Variants in LINGO2 observed in about 807,000 individuals in gnomAD.
LINGO2 encodes the protein leucine rich repeat and Ig domain containing 2.
Under a neutral mutation model 30.6 loss-of-function variants are expected in LINGO2, and 14 were observed. The observed-to-expected ratio is 0.46, with a 90% CI of 0.30 to 0.72. The LOEUF is 0.72. Ranked by LOEUF, LINGO2 falls within the 30% of genes least tolerant of loss-of-function variation. The pLI is 0.07. For synonymous variants in LINGO2, 317 were observed against 288.5 expected (o/e 1.10, Z -1.00); for missense variants, 729 against 751.7 (o/e 0.97, Z 0.35).
At chr9:28,570,474 TA>T (rs965794754) in intron 1 of LINGO2, among the ~76,000 whole-genome samples, 34 of 152,030 alleles carry the variant, frequency 2.2e-4, no homozygotes, top group African/African-American at 7.7e-4. Context: ...GTCTATGCGA[TA>T]AAAAAATTTT....
At chr9:28,013,242 T>C (rs543504088) in intron 4 of LINGO2, among the ~76,000 whole-genome samples, 1 of 152,198 alleles carries the variant, frequency 6.6e-6, no homozygotes, top group Non-Finnish European at 1.5e-5. Flanking sequence ...TATTTCTTTT[T>C]CTTCTCCTTT....
At chr9:28,759,575 G>A in the LINGO2 span, among the ~76,000 whole-genome samples, 2 of 151,866 alleles carry the variant, frequency 1.3e-5, no homozygotes, top group South Asian at 2.1e-4. Context: ...CCAGCTACTC[G>A]GGAGGCTGAG....
intron 1 of LINGO2, among the ~76,000 whole-genome samples, chr9:28,516,469 G>A (rs10732351): frequency 0.98 from 148,642 of 152,324 alleles, 72,630 homozygotes; most frequent in Middle Eastern, 1. Context: ...TTGGTTTTAG[G>A]GACACAGGTC....
chr9:29,103,215 A>C, the LINGO2 span, among the ~76,000 whole-genome samples: 1 of 152,084 alleles, frequency 6.6e-6, no homozygotes, highest in Non-Finnish European at 1.5e-5. Flanking sequence ...GCATCACAGA[A>C]TTAGCTTATA....
chr9:28,042,350 T>C (rs1431703511), intron 4 of LINGO2, among the ~76,000 whole-genome samples: 1 of 152,152 alleles, frequency 6.6e-6, no homozygotes, highest in Middle Eastern at 3.2e-3. Context: ...CAGCTCCATA[T>C]TAATTGTCAA....
intron 1 of LINGO2, among the ~76,000 whole-genome samples, chr9:28,659,621 G>A (rs966972582): frequency 6.6e-6 from 1 of 151,770 alleles, no homozygotes; most frequent in Non-Finnish European, 1.5e-5. Flanking sequence ...CAATTTTTTT[G>A]TATTTTTTGT....
At chr9:28,512,589 G>A (rs977588592) in intron 1 of LINGO2, among the ~76,000 whole-genome samples, 783 of 2,724 alleles carry the variant, frequency 0.29, 61 homozygotes, top group Middle Eastern at 0.5. Flanking sequence ...GGATATATAT[G>A]TGTGTATATA....
chr9:28,040,181 A>C (rs187427077), intron 4 of LINGO2, among the ~76,000 whole-genome samples: 2 of 152,302 alleles, frequency 1.3e-5, no homozygotes, highest in Admixed American at 1.3e-4. Context: ...TGCTATTAGC[A>C]AAACAGATTG....
At chr9:28,483,900 T>C (rs542648362) in intron 1 of LINGO2, among the ~76,000 whole-genome samples, 2 of 152,124 alleles carry the variant, frequency 1.3e-5, no homozygotes, top group South Asian at 4.2e-4. Flanking sequence ...TTCCTTCATG[T>C]AGATCAATGA....
chr9:28,436,136 T>C (rs552794931), intron 2 of LINGO2, among the ~76,000 whole-genome samples: 18 of 152,310 alleles, frequency 1.2e-4, no homozygotes, highest in African/African-American at 2.6e-4. Flanking sequence ...AAATTATCCA[T>C]AGCAACAACC....
chr9:28,959,612 T>TCTCTCACACACACACACACACACA, the LINGO2 span, among the ~76,000 whole-genome samples: 4 of 132,160 alleles, frequency 3.0e-5, no homozygotes, highest in African/African-American at 1.3e-4. Context: ...TCTCTCTCCC[T>TCTCTCACACACACACACACACACA]CACACACACA....
chr9:28,162,532 C>T (rs1045751001), intron 4 of LINGO2, among the ~76,000 whole-genome samples: 2 of 152,226 alleles, frequency 1.3e-5, no homozygotes, highest in Non-Finnish European at 1.5e-5. Context: ...GAATAAGTCT[C>T]TCCAATGAAG....
intron 3 of LINGO2, among the ~76,000 whole-genome samples, chr9:28,313,174 TTATA>T (rs1229687945): frequency 2.6e-5 from 4 of 152,200 alleles, no homozygotes; most frequent in Non-Finnish European, 5.9e-5. Context: ...TTGAGAGAAG[TTATA>T]TCATTGGCTA....
At chr9:28,793,507 A>G in the LINGO2 span, among the ~76,000 whole-genome samples, 1 of 152,134 alleles carries the variant, frequency 6.6e-6, no homozygotes, top group Non-Finnish European at 1.5e-5. Context: ...CCTAAATTTT[A>G]CCCTGATATA....
At chr9:28,710,040 G>A in the LINGO2 span, among the ~76,000 whole-genome samples, 111 of 150,614 alleles carry the variant, frequency 7.4e-4, no homozygotes, top group African/African-American at 2.0e-3. Flanking sequence ...TATACATCTC[G>A]GATGCCATGG....
chr9:27,993,064 G>A (rs977587765), intron 5 of LINGO2, among the ~76,000 whole-genome samples: 9 of 152,060 alleles, frequency 5.9e-5, no homozygotes, highest in African/African-American at 1.9e-4. Flanking sequence ...ATCACTTGAC[G>A]ATGGTTAATG....
intron 4 of LINGO2, among the ~76,000 whole-genome samples, chr9:28,207,598 C>A (rs1307362273): frequency 6.6e-6 from 1 of 152,104 alleles, no homozygotes; most frequent in East Asian, 1.9e-4. Flanking sequence ...ATGTTCCCCT[C>A]CATTCTAAAT....
chr9:28,753,280 TC>T, the LINGO2 span, among the ~76,000 whole-genome samples: 1 of 152,032 alleles, frequency 6.6e-6, no homozygotes, highest in African/African-American at 2.4e-5. Context: ...TCCAAAATCT[TC>T]CTTTGATTTG....
At chr9:28,026,010 G>C (rs1823357781) in intron 4 of LINGO2, among the ~76,000 whole-genome samples, 1 of 152,170 alleles carries the variant, frequency 6.6e-6, no homozygotes, top group Non-Finnish European at 1.5e-5. Context: ...GGTCTCCAAT[G>C]CTTCATCCTC....
Sources: allele counts gnomAD v4.1 joint callset (sites outside exome capture counted in the v4.1 genomes callset), GRCh38; gene constraint gnomAD v4.1.1; transcripts MANE v1.5; gene names NCBI Gene and HGNC (gene_info 2026-07-23, HGNC 2026-07-21).